The following SF3B3 variants were observed in gnomAD, a reference collection of about 807,000 sequenced individuals.
The protein encoded by SF3B3 is splicing factor 3b subunit 3.
SF3B3 carries 33 observed loss-of-function variants against 139.2 expected under a neutral mutation model. The observed-to-expected ratio is 0.24, with a 90% confidence interval of 0.18 to 0.32. SF3B3 has a LOEUF of 0.32. Ranked by LOEUF, SF3B3 falls within the 10% of genes least tolerant of loss-of-function variation. The probability of loss-of-function intolerance (pLI) is 1.00; values close to 1 mark genes in which losing one functional copy is unlikely to be tolerated. For synonymous variants in SF3B3, 596 were observed against 563.6 expected (o/e 1.06, Z -0.81); for missense variants, 818 against 1,509.4 (o/e 0.54, Z 7.59).
At chr16:70,546,386 G>A (rs1011741609) in intron 10 of SF3B3, among the ~76,000 whole-genome samples, 2 of 152,254 alleles carry the variant, frequency 1.3e-5, no homozygotes, top group African/African-American at 2.4e-5. Flanking sequence ...GCACGGTGGC[G>A]CACGCCTGTA....
chr16:70,526,860 A>C (rs976045523), intron 2 of SF3B3, 134 bp downstream of exon 2: 4 of 657,844 alleles, frequency 6.1e-6, no homozygotes, highest in African/African-American at 1.8e-5. Flanking sequence ...AAATTATGAG[A>C]TGAGGTGTTA....
At chr16:70,550,782 T>C (rs796917505) in intron 11 of SF3B3, 9 of 450,586 alleles carry the variant, frequency 2.0e-5, no homozygotes, top group African/African-American at 1.9e-4. Context: ...TTTCAGAGGG[T>C]AACTTTGCAG....
chr16:70,551,066 C>G (rs1221927845), intron 11 of SF3B3, among the ~76,000 whole-genome samples: 4 of 152,146 alleles, frequency 2.6e-5, no homozygotes, highest in Admixed American at 2.6e-4. Context: ...ATCAGATACC[C>G]TTGTCTATGA....
At chr16:70,565,309 A>C in intron 19 of SF3B3, 39 bp downstream of exon 19, 1 of 1,613,542 alleles carries the variant, frequency 6.2e-7, no homozygotes, top group Non-Finnish European at 8.5e-7. Context: ...GGCAGGCTGG[A>C]ACAGGAGCTC....
In SF3B3 at chr16:70,523,864, G is replaced by T. The variant is rs1279254984; in HGVS notation, c.-135G>T. 2 of 499,362 alleles carry T rather than the reference G, an allele frequency of 4.0e-6. No individual in the cohort carries two copies. Among genetic ancestry groups the T allele is most frequent in the African/African-American group, 4.0e-5 (2 of 50,196 alleles). The allele number at this position is 499,362 out of a possible 1,614,324, so 30.9% of individuals were successfully genotyped here. A position where few individuals can be genotyped will look rare whatever the true frequency, so the allele number is the denominator to read the frequency against. ...CGGACGCCAGTATGTTGGAGTTGGT[G>T]GTGGCTTAAGTTTTGAAGGGAGGTA... is the stretch of plus-strand genomic sequence containing the variant. On this transcript the variant is annotated 5_prime_UTR_variant, in exon 1 of 26. Coordinates refer to ENST00000302516, the MANE Select transcript of SF3B3 (RefSeq NM_012426.5).
rs915245416 is a variant in SF3B3 at position 70,565,424 on chromosome 16, T to C, written c.2726T>C (p.Val909Ala). The C allele has an allele frequency of 1.9e-6, 3 of 1,614,034 alleles. No individual in the cohort carries two copies. Among genetic ancestry groups the C allele is most frequent in the Non-Finnish European group, 2.5e-6 (3 of 1,180,022 alleles). Reference sequence around the variant, plus strand: ...GAAGACTGGTATGTGCTGGTGGGTGTGGCCAAGGACCTGATACTAAACCCC... The same window carrying C: ...GAAGACTGGTATGTGCTGGTGGGTGCGGCCAAGGACCTGATACTAAACCCC... ...TGEDWYVLVG[V>A]AKDLILNPRS... The change falls in exon 20 of 26, where the codon GTG becomes GCG. Residue 909 changes from valine (V) to alanine (A), a missense_variant. By Grantham distance (64) the Val-to-Ala change is moderately conservative (BLOSUM62 0). This residue lies in a region of SF3B3 where 145 missense variants were observed against 153.6 expected (regional missense o/e 0.94). Coordinates refer to ENST00000302516, the MANE Select transcript of SF3B3 (RefSeq NM_012426.5).
chr16:70,528,781 C>T (rs1314713691), intron 2 of SF3B3, 92 bp from the exon 3 acceptor site: 4 of 894,598 alleles, frequency 4.5e-6, no homozygotes, highest in East Asian at 2.5e-5. Context: ...CCACGCCTGG[C>T]TAATTTTTGT....
At chr16:70,557,811 T>C (rs1359353870) in intron 15 of SF3B3, among the ~76,000 whole-genome samples, 1 of 152,224 alleles carries the variant, frequency 6.6e-6, no homozygotes, top group Non-Finnish European at 1.5e-5. Context: ...AAATCCAAGA[T>C]CTATCATTTC....
rs1206127902 is a variant in SF3B3, at chr16:70,575,187, CTTTTTT to C, written c.*3377_*3382del. 1 of 130,080 alleles carries C rather than the reference CTTTTTT, an allele frequency of 7.7e-6. No homozygotes were observed. Among genetic ancestry groups the C allele is most frequent in the African/African-American group, 2.9e-5 (1 of 33,938 alleles). The allele number at this position is 130,080 out of a possible 1,614,324, so 8.1% of individuals were successfully genotyped here. On this transcript the variant is annotated 3_prime_UTR_variant, in exon 26 of 26. Coordinates refer to ENST00000302516, the MANE Select transcript of SF3B3 (RefSeq NM_012426.5). Reference sequence around the variant, plus strand: ...TTCTCTTTTTTTTCTTTTTCTTTTTCTTTTTTTTCTTTTTTTTTTTTTTTTTTTTGA... The same window carrying C: ...TTCTCTTTTTTTTCTTTTTCTTTTTCTTCTTTTTTTTTTTTTTTTTTTTGA...
In SF3B3 at chr16:70,555,037, G is replaced by T. The variant is rs2050366646; in HGVS notation, c.1555-14G>T. ...AATTGTTAAAGTCAGGTTTCTTTCT[G>T]TTACTGACTCTAGGTCTATCCAGAT... On this transcript the variant is annotated splice_polypyrimidine_tract_variant and intron_variant, in intron 12 of 25. Coordinates refer to ENST00000302516, the MANE Select transcript of SF3B3 (RefSeq NM_012426.5). 6.2e-7 allele frequency: 1 copy of T among 1,611,462 alleles called. No individual in the cohort carries two copies. Among genetic ancestry groups the T allele is most frequent in the Admixed American group, 1.7e-5 (1 of 59,636 alleles).
intron 6 of SF3B3, 180 bp from the exon 7 acceptor site, chr16:70,538,143 T>G: frequency 1.4e-6 from 1 of 733,568 alleles, no homozygotes; most frequent in Non-Finnish European, 2.5e-6. Context: ...TTTTATTAGA[T>G]ATTTATATTA....
chr16:70,532,730 T>C, intron 5 of SF3B3, 110 bp downstream of exon 5: 1 of 1,053,660 alleles, frequency 9.5e-7, no homozygotes, highest in Non-Finnish European at 1.4e-6. Context: ...GTTGTGAACC[T>C]GAATACCTTA....
At chr16:70,548,632 G>T in intron 11 of SF3B3, 190 bp downstream of exon 11, 1 of 558,690 alleles carries the variant, frequency 1.8e-6, no homozygotes, top group Non-Finnish European at 3.2e-6. Context: ...TTTTTGTGCA[G>T]GTGGGAAAGG....
At position 70,572,048 on chromosome 16, in the gene SF3B3, G is replaced by A. The variant is rs1393885243; in HGVS notation, c.*235G>A. On this transcript the variant is annotated 3_prime_UTR_variant, in exon 26 of 26. Transcript: ENST00000302516. ...ACCTGGTACATGATACATGACCCCA[G>A]GTTCCAGTGTAGAACCTGAGTCCCC... is the stretch of plus-strand genomic sequence containing the variant. The A allele has an allele frequency of 1.5e-6, 1 of 660,652 alleles. No individual in the cohort carries two copies. The highest frequency in any genetic ancestry group is 2.8e-6 in the Non-Finnish European group (1 of 360,912). 40.9% of individuals were successfully genotyped at this position (660,652 alleles called of 1,614,324 possible).
At chr16:70,570,212 C>G in intron 24 of SF3B3, 63 bp downstream of exon 24, 2 of 1,504,110 alleles carry the variant, frequency 1.3e-6, no homozygotes, top group Non-Finnish European at 1.8e-6. Flanking sequence ...CTGGATCTAC[C>G]TAAGAGGTCA....
intron 1 of SF3B3, among the ~76,000 whole-genome samples, chr16:70,526,129 T>G (rs768214957): frequency 1.3e-5 from 2 of 152,120 alleles, no homozygotes; most frequent in Non-Finnish European, 2.9e-5. Flanking sequence ...TTCTCTCTTC[T>G]CGTTTAACAA....
Position 70,528,743 on chromosome 16 carries a change from G to A in SF3B3, c.71-130G>A, listed in dbSNP as rs373327230. 4.9e-4 allele frequency: 313 copies of A among 638,254 alleles called. 2 individuals are homozygous for A. Among genetic ancestry groups the A allele is most frequent in the African/African-American group, 3.5e-3 (190 of 54,552 alleles). The allele number at this position is 638,254 out of a possible 1,614,324, so 39.5% of individuals were successfully genotyped here. On this transcript the variant is annotated intron_variant, in intron 2 of 25. Transcript: ENST00000302516. ...AGCGATTCTCCTGCCTTAGCCTCCC[G>A]AGTAGCTGGGATTACAGGCATGTGC...
chr16:70,539,270 G>A, intron 8 of SF3B3, 63 bp downstream of exon 8: 1 of 1,150,316 alleles, frequency 8.7e-7, no homozygotes, highest in African/African-American at 1.5e-5. Flanking sequence ...AGCAGAAGCT[G>A]GGTGCAGTGG....
At chr16:70,561,604 G>A (rs1214024766) in intron 16 of SF3B3, 26 bp from the exon 17 acceptor site, 3 of 1,606,766 alleles carry the variant, frequency 1.9e-6, no homozygotes, top group Non-Finnish European at 2.5e-6. Context: ...AACCTTATTG[G>A]AGCTGGGTTT....
Sources: gnomAD v4.1 joint callset for allele counts (sites outside exome capture counted in the v4.1 genomes callset) on GRCh38, gnomAD v4.1.1 for gene constraint, gnomAD v4.1.1 regional missense constraint, MANE v1.5 for transcripts, NCBI Gene and HGNC (gene_info 2026-07-23, HGNC 2026-07-21) for gene names.